IL31RA: variants seen among roughly 807,000 people sequenced by gnomAD.
The protein encoded by IL31RA is interleukin-31 receptor subunit alpha.
IL31RA carries 66 observed loss-of-function variants against 83.7 expected under a neutral mutation model. The observed-to-expected ratio is 0.79, with a 90% CI of 0.65 to 0.97. The LOEUF is 0.97. Among genes scored for constraint, IL31RA ranks in the 50% least tolerant of loss-of-function variants. The pLI is 0.00. For synonymous variants in IL31RA, 325 were observed against 329.0 expected (o/e 0.99, Z 0.13); for missense variants, 798 against 919.4 (o/e 0.87, Z 1.71).
intron 12 of IL31RA, among the ~76,000 whole-genome samples, chr5:55,911,381 G>A (rs1749492195): frequency 1.3e-5 from 2 of 152,270 alleles, no homozygotes; most frequent in Admixed American, 1.3e-4. Context: ...TGTGATTTGG[G>A]TGGGGACACA....
upstream of IL31RA, among the ~76,000 whole-genome samples, chr5:55,847,514 G>A (rs549152576): frequency 3.9e-5 from 6 of 152,156 alleles, no homozygotes; most frequent in Non-Finnish European, 7.4e-5. Flanking sequence ...CCCAGGAGGC[G>A]GAAGTTGCAG....
At chr5:55,856,678 C>T (rs767269290) in intron 1 of IL31RA, among the ~76,000 whole-genome samples, 2 of 152,156 alleles carry the variant, frequency 1.3e-5, no homozygotes, top group Non-Finnish European at 2.9e-5. Flanking sequence ...AAGGGAGATT[C>T]GGGGTTTTGA....
chr5:55,844,676 CTG>C, the IL31RA span, among the ~76,000 whole-genome samples: 4 of 151,970 alleles, frequency 2.6e-5, no homozygotes, highest in South Asian at 2.1e-4. Context: ...GGGAAAGTCT[CTG>C]TTTTTACTGC....
chr5:55,848,615 C>A (rs1744988450), upstream of IL31RA, among the ~76,000 whole-genome samples: 1 of 152,120 alleles, frequency 6.6e-6, no homozygotes, highest in African/African-American at 2.4e-5. Context: ...ATAAGCATTG[C>A]CATGATGACC....
intron 11 of IL31RA, 117 bp from the exon 12 acceptor site, chr5:55,910,415 A>G: frequency 9.0e-7 from 1 of 1,112,768 alleles, no homozygotes; most frequent in Non-Finnish European, 1.4e-6. Context: ...TAGGGGTCAG[A>G]ATATGAGACA....
chr5:55,858,176 G>A (rs1367361304), intron 1 of IL31RA, among the ~76,000 whole-genome samples: 4 of 151,994 alleles, frequency 2.6e-5, no homozygotes, highest in South Asian at 2.1e-4. Context: ...ATGCAAAACC[G>A]CTTGTCAGAA....
rs773222972 is a variant in IL31RA at position 55,856,651 on chromosome 5, G to C, written c.64-2858G>C. On this transcript the variant is annotated intron_variant, in intron 1 of 14. Transcript: ENST00000652347. ...ATTAGTAATCAGAGAGGGCATCAGA[G>C]AATCAGAGCAATCAGAAAGGGAGAT... Among the ~76,000 whole-genome samples the C allele has an allele frequency of 6.9e-4, 105 of 152,208 alleles. 1 individual carries two copies. Among genetic ancestry groups the C allele is most frequent in the Non-Finnish European group, 2.4e-4 (16 of 68,038 alleles).
At position 55,922,059 on chromosome 5, in the gene IL31RA, G is replaced by A. The variant is rs1048474613; in HGVS notation, c.*4939G>A. On this transcript the variant is annotated 3_prime_UTR_variant, in exon 15 of 15. Coordinates refer to ENST00000652347, the MANE Select transcript of IL31RA (RefSeq NM_139017.7). ...CTTGCACTCTTATGTTGTGGCGGGGGGGGGGGGCGGTTCCTGAAGAGTGGA... is the reference window on the plus strand; with the variant it reads ...CTTGCACTCTTATGTTGTGGCGGGGAGGGGGGGCGGTTCCTGAAGAGTGGA... Among the ~76,000 whole-genome samples the A allele has an allele frequency of 2.7e-5, 4 of 147,066 alleles. No individual in the cohort carries two copies. Among genetic ancestry groups the A allele is most frequent in the African/African-American group, 5.2e-5 (2 of 38,444 alleles).
chr5:55,884,863 T>C (rs920393245), intron 5 of IL31RA, among the ~76,000 whole-genome samples: 1 of 152,270 alleles, frequency 6.6e-6, no homozygotes, highest in Non-Finnish European at 1.5e-5. Flanking sequence ...TTTATTCTTA[T>C]TGAATGTCTT....
intron 5 of IL31RA, among the ~76,000 whole-genome samples, chr5:55,888,496 G>A (rs866142800): frequency 1.3e-5 from 2 of 152,162 alleles, no homozygotes. Flanking sequence ...CAACAAAGCA[G>A]GAGGAAAAAT....
chr5:55,921,364 G>GA lies in IL31RA; in HGVS notation c.*4249dup. ...TGAGCAAAGCATTTTGAACATCCAT[G>GA]AAAAACCCCATGGCGGGCCTGCATG... is the stretch of plus-strand genomic sequence containing the variant. On this transcript the variant is annotated 3_prime_UTR_variant, in exon 15 of 15. Transcript: ENST00000652347. Among the ~76,000 whole-genome samples, 1 of 152,178 alleles carries GA rather than the reference G, an allele frequency of 6.6e-6. No individual in the cohort carries two copies. The highest frequency in any genetic ancestry group is 1.5e-5 in the Non-Finnish European group (1 of 68,030).
chr5:55,894,342 A>G (rs1580713044), intron 6 of IL31RA, among the ~76,000 whole-genome samples: 1 of 152,140 alleles, frequency 6.6e-6, no homozygotes, highest in Admixed American at 6.5e-5. Context: ...ACAGGGTGAA[A>G]CCAGCCTGTT....
Position 55,920,090 on chromosome 5 carries a change from A to T in IL31RA, c.*2970A>T, listed in dbSNP as rs1023559774. 1.3e-5 allele frequency among the ~76,000 whole-genome samples: 2 copies of T among 152,272 alleles called. No homozygotes were observed. Among genetic ancestry groups the T allele is most frequent in the Non-Finnish European group, 2.9e-5 (2 of 68,048 alleles). ...AGAAACCAGTCTGTGGCTTAAATAA[A>T]AAGACCACAAGTTCCTTCTGGTGTC... is the stretch of plus-strand genomic sequence containing the variant. On this transcript the variant is annotated 3_prime_UTR_variant, in exon 15 of 15. Coordinates refer to ENST00000652347, the MANE Select transcript of IL31RA (RefSeq NM_139017.7).
chr5:55,859,151 TGA>T (rs1745519646), intron 1 of IL31RA, among the ~76,000 whole-genome samples: 1 of 152,202 alleles, frequency 6.6e-6, no homozygotes, highest in South Asian at 2.1e-4. Context: ...GGCAAAACTG[TGA>T]GTTGTTCCAT....
chr5:55,843,292 C>T, the IL31RA span, among the ~76,000 whole-genome samples: 32 of 152,272 alleles, frequency 2.1e-4, no homozygotes, highest in African/African-American at 7.7e-4. Flanking sequence ...CTTGATTCTG[C>T]AGGAAGTGAA....
intron 1 of IL31RA, chr5:55,853,248 AGTT>A: frequency 9.5e-7 from 1 of 1,057,480 alleles, no homozygotes; most frequent in Non-Finnish European, 1.2e-6. Flanking sequence ...CACTTCTTTT[AGTT>A]GTTTCTGGTC....
In IL31RA at chr5:55,903,571, C is replaced by T. The variant is rs756118894; in HGVS notation, c.1070-2535C>T. ...TTGACTCATGGTTTCCTGGGGCCGG[C>T]GCCACGCCCCTGTGGTCTCCGCAGT... On this transcript the variant is annotated intron_variant, in intron 8 of 14. Transcript: ENST00000652347. This position sits in a 1 kb window ranked among gnomAD's most constrained non-coding sequence, Gnocchi z 4.7. 2.6e-5 allele frequency among the ~76,000 whole-genome samples: 4 copies of T among 152,138 alleles called. No individual in the cohort carries two copies. Among genetic ancestry groups the T allele is most frequent in the East Asian group, 3.8e-4 (2 of 5,198 alleles).
chr5:55,864,778 T>C (rs1745934454), intron 2 of IL31RA, among the ~76,000 whole-genome samples: 1 of 147,428 alleles, frequency 6.8e-6, no homozygotes, highest in African/African-American at 2.5e-5. Context: ...ACTACACACA[T>C]ACCACACACA....
At chr5:55,840,339 C>T in the IL31RA span, among the ~76,000 whole-genome samples, 1 of 152,102 alleles carries the variant, frequency 6.6e-6, no homozygotes, top group Non-Finnish European at 1.5e-5. Flanking sequence ...AAACATTTAC[C>T]AGCACACTAC....
Sources: allele counts gnomAD v4.1 joint callset (sites outside exome capture counted in the v4.1 genomes callset), GRCh38; gene constraint gnomAD v4.1.1; non-coding constraint Gnocchi (gnomAD v3.1); transcripts MANE v1.5; gene names NCBI Gene and HGNC (gene_info 2026-07-23, HGNC 2026-07-21).